Variants in DSE observed in about 807,000 individuals in gnomAD.
The protein encoded by DSE is dermatan-sulfate epimerase.
In DSE, 36 loss-of-function variants were observed where a neutral mutation model predicts 84.4. The observed-to-expected ratio is 0.43, with a 90% CI of 0.33 to 0.56. The LOEUF is 0.56. Among genes scored for constraint, DSE ranks in the 20% least tolerant of loss-of-function variants. The pLI, the probability that DSE is intolerant of heterozygous loss-of-function variation, is 0.06. For missense variants in DSE, 862 were observed against 1,169.6 expected (o/e 0.74, Z 3.84); for synonymous variants, 410 against 430.1 (o/e 0.95, Z 0.58).
intron 2 of DSE, among the ~76,000 whole-genome samples, chr6:116,351,384 T>G (rs996303744): frequency 3.6e-4 from 55 of 151,916 alleles, no homozygotes; most frequent in African/African-American, 1.2e-3. Flanking sequence ...AAAATGAACT[T>G]GATACTTCTT....
At chr6:116,369,988 C>T (rs1779410083), upstream of DSE, 1 of 1,278,232 alleles carries the variant, frequency 7.8e-7, no homozygotes, top group African/African-American at 1.5e-5. Context: ...TACTTGCACA[C>T]ACTGGGTGGA....
At chr6:116,409,592 T>G (rs947368714) in intron 2 of DSE, among the ~76,000 whole-genome samples, 10 of 152,220 alleles carry the variant, frequency 6.6e-5, no homozygotes, top group Non-Finnish European at 1.5e-4. Context: ...ATAAGTTTAT[T>G]GTATACTTGC....
intron 2 of DSE, among the ~76,000 whole-genome samples, chr6:116,340,758 G>A (rs542606283): frequency 6.6e-5 from 10 of 152,118 alleles, no homozygotes; most frequent in South Asian, 2.1e-4. Flanking sequence ...CTGTCCTTGC[G>A]ATAGTTTGCT....
chr6:116,316,461 C>T (rs1046776820), intron 2 of DSE, among the ~76,000 whole-genome samples: 5 of 152,104 alleles, frequency 3.3e-5, no homozygotes, highest in Non-Finnish European at 5.9e-5. Flanking sequence ...GACTATACTT[C>T]CCTTTCAGAC....
chr6:116,435,511 A>G (rs1784091335), intron 5 of DSE, 76 bp from the exon 6 acceptor site: 5 of 1,432,252 alleles, frequency 3.5e-6, no homozygotes, highest in Admixed American at 4.6e-5. Flanking sequence ...TGTGTGTCGC[A>G]TCTTCCACAT....
At chr6:116,418,499 A>G (rs1420721554) in intron 2 of DSE, among the ~76,000 whole-genome samples, 1 of 152,172 alleles carries the variant, frequency 6.6e-6, no homozygotes, top group Non-Finnish European at 1.5e-5. Context: ...GGAAATCTAC[A>G]TGATTGGTGT....
At chr6:116,265,194 T>C (rs916390854) in intron 2 of DSE, among the ~76,000 whole-genome samples, 31 of 151,856 alleles carry the variant, frequency 2.0e-4, no homozygotes, top group Non-Finnish European at 1.3e-4. Flanking sequence ...TGGCCCCAGA[T>C]GGTGACTGTG....
chr6:116,430,152 C>T (rs1783730875), intron 3 of DSE, among the ~76,000 whole-genome samples: 1 of 152,088 alleles, frequency 6.6e-6, no homozygotes, highest in East Asian at 1.9e-4. Context: ...TTCAGGATTC[C>T]TAGTTGATTT....
At chr6:116,412,162 C>T (rs1193259846) in intron 2 of DSE, among the ~76,000 whole-genome samples, 1 of 152,078 alleles carries the variant, frequency 6.6e-6, no homozygotes, top group Non-Finnish European at 1.5e-5. Context: ...ATTATGGGTT[C>T]AGGGTGTTGT....
At position 116,410,107 on chromosome 6, in the gene DSE, A is replaced by G. The variant is rs554829933; in HGVS notation, c.416+10441A>G. ...CTGAAAGGTGTAACAGGGCAGTGAC[A>G]TGATCAGATTTATGTATGTACGTTA... On this transcript the variant is annotated intron_variant, in intron 2 of 5. Coordinates refer to ENST00000644252, the MANE Select transcript of DSE (RefSeq NM_013352.4). Among the ~76,000 whole-genome samples, 28 of 152,362 alleles carry G rather than the reference A, an allele frequency of 1.8e-4. No homozygotes were observed. The South Asian group carries it at 2.5e-3, about 14-fold the overall frequency.
At chr6:116,372,645 TCTTC>T (rs971223224) in intron 1 of DSE, among the ~76,000 whole-genome samples, 18 of 152,226 alleles carry the variant, frequency 1.2e-4, no homozygotes, top group African/African-American at 4.1e-4. Context: ...TATTGTGACC[TCTTC>T]CTTTGACGGT....
chr6:116,390,819 T>C (rs1268698530), intron 1 of DSE, among the ~76,000 whole-genome samples: 1 of 152,216 alleles, frequency 6.6e-6, no homozygotes, highest in African/African-American at 2.4e-5. Context: ...GTTTGTACAC[T>C]CGTATCTCTA....
chr6:116,266,880 C>T (rs1772650125), intron 2 of DSE, among the ~76,000 whole-genome samples: 1 of 152,152 alleles, frequency 6.6e-6, no homozygotes, highest in Admixed American at 6.5e-5. Context: ...ATGTGAAATA[C>T]TCATGTGCCA....
intron 2 of DSE, among the ~76,000 whole-genome samples, chr6:116,311,724 C>G (rs1309368110): frequency 6.6e-6 from 1 of 152,194 alleles, no homozygotes; most frequent in Non-Finnish European, 1.5e-5. Context: ...GTATGGAATG[C>G]TCTTCTCCAG....
intron 2 of DSE, among the ~76,000 whole-genome samples, chr6:116,355,286 T>C (rs943515109): frequency 2.0e-5 from 3 of 152,224 alleles, no homozygotes; most frequent in African/African-American, 7.2e-5. Flanking sequence ...CCCCCAGCAT[T>C]ATATGAGACT....
chr6:116,298,420 A>G (rs1774798860), intron 2 of DSE, among the ~76,000 whole-genome samples: 1 of 152,218 alleles, frequency 6.6e-6, no homozygotes, highest in Admixed American at 6.5e-5. Flanking sequence ...AGAAGAGATC[A>G]GAGTGACACA....
At chr6:116,265,938 C>T (rs987997947) in intron 2 of DSE, among the ~76,000 whole-genome samples, 2 of 152,170 alleles carry the variant, frequency 1.3e-5, no homozygotes, top group Admixed American at 1.3e-4. Flanking sequence ...CTAATTAGCT[C>T]TCTCTGCCAC....
chr6:116,344,904 G>A (rs1218567053), intron 2 of DSE, among the ~76,000 whole-genome samples: 1 of 152,134 alleles, frequency 6.6e-6, no homozygotes, highest in East Asian at 1.9e-4. Flanking sequence ...GACACACATA[G>A]GCTCAAAATA....
chr6:116,394,679 C>T (rs541233076), intron 1 of DSE, among the ~76,000 whole-genome samples: 8 of 152,194 alleles, frequency 5.3e-5, no homozygotes, highest in African/African-American at 1.9e-4. Context: ...AACTCCTGAC[C>T]TCAACTGATC....
Sources: gnomAD v4.1 joint callset for allele counts (sites outside exome capture counted in the v4.1 genomes callset) on GRCh38, gnomAD v4.1.1 for gene constraint, MANE v1.5 for transcripts, NCBI Gene and HGNC (gene_info 2026-07-23, HGNC 2026-07-21) for gene names.